The following CNBD1 variants were observed in gnomAD, a reference collection of about 807,000 sequenced individuals.
The protein encoded by CNBD1 is cyclic nucleotide binding domain containing 1.
CNBD1 carries 71 observed loss-of-function variants against 54.4 expected under a neutral mutation model. The observed-to-expected ratio is 1.30, with a 90% CI of 1.08 to 1.59. The LOEUF (loss-of-function observed/expected upper bound fraction) is 1.59, where lower values mean the gene tolerates loss of function less well. Ranked by LOEUF, CNBD1 falls within the 40% of genes most tolerant of loss-of-function variation. CNBD1 has a pLI of 0.00. For missense variants in CNBD1, 659 were observed against 518.0 expected (o/e 1.27, Z -2.64); for synonymous variants, 182 against 170.7 (o/e 1.07, Z -0.51).
intron 4 of CNBD1, among the ~76,000 whole-genome samples, chr8:87,120,923 C>T (rs983396683): frequency 1.3e-5 from 2 of 152,070 alleles, no homozygotes; most frequent in East Asian, 3.9e-4. Context: ...TGGGCACATA[C>T]ATCAGTTGGC....
At chr8:86,982,181 G>C (rs1808502362) in intron 4 of CNBD1, among the ~76,000 whole-genome samples, 1 of 151,926 alleles carries the variant, frequency 6.6e-6, no homozygotes, top group South Asian at 2.1e-4. Context: ...TGTTTTATGG[G>C]CTTATTTGCC....
chr8:87,169,358 G>C (rs551404004), intron 4 of CNBD1, among the ~76,000 whole-genome samples: 1 of 152,152 alleles, frequency 6.6e-6, no homozygotes, highest in South Asian at 2.1e-4. Context: ...TCTTTGGGTT[G>C]ATACTTCTTT....
At chr8:87,165,380 G>T (rs1036181403) in intron 4 of CNBD1, among the ~76,000 whole-genome samples, 3 of 151,756 alleles carry the variant, frequency 2.0e-5, no homozygotes, top group Admixed American at 2.0e-4. Context: ...TTATTATATT[G>T]CTGTCCAATT....
chr8:87,072,902 T>C (rs1426049384), intron 4 of CNBD1, among the ~76,000 whole-genome samples: 1 of 152,100 alleles, frequency 6.6e-6, no homozygotes, highest in Non-Finnish European at 1.5e-5. Context: ...TGTAGTATGT[T>C]TTCCAACTTG....
chr8:87,310,951 G>C (rs1001209738), intron 8 of CNBD1, among the ~76,000 whole-genome samples: 1 of 151,984 alleles, frequency 6.6e-6, no homozygotes, highest in Non-Finnish European at 1.5e-5. Context: ...AAATTAAGTC[G>C]AGATGGAGAG....
intron 4 of CNBD1, among the ~76,000 whole-genome samples, chr8:87,175,435 C>G (rs1364619676): frequency 6.6e-6 from 1 of 152,082 alleles, no homozygotes; most frequent in East Asian, 1.9e-4. Flanking sequence ...TATTCAGGAC[C>G]CAAGCTCTCT....
chr8:87,212,982 G>T (rs1244324889), intron 5 of CNBD1, among the ~76,000 whole-genome samples: 1 of 152,086 alleles, frequency 6.6e-6, no homozygotes, highest in African/African-American at 2.4e-5. Context: ...TCCAGAATAT[G>T]AATAACTTGT....
intron 4 of CNBD1, among the ~76,000 whole-genome samples, chr8:87,115,630 A>G (rs1811752105): frequency 6.6e-6 from 1 of 152,182 alleles, no homozygotes; most frequent in African/African-American, 2.4e-5. Context: ...GACATGGGAA[A>G]TAGTTCTTAA....
chr8:87,219,280 G>A (rs560114251), intron 5 of CNBD1, among the ~76,000 whole-genome samples: 5 of 151,906 alleles, frequency 3.3e-5, no homozygotes, highest in Admixed American at 3.3e-4. Context: ...ACTACAATAA[G>A]TATTATAAAA....
chr8:87,428,155 A>T (rs1322249667), intron 2 of CNBD1, among the ~76,000 whole-genome samples: 1 of 137,616 alleles, frequency 7.3e-6, no homozygotes, highest in Non-Finnish European at 1.6e-5. Context: ...GCAAAAAAAG[A>T]AAAAAAAAAA....
At position 86,911,170 on chromosome 8, in the gene CNBD1, A is replaced by G. The variant is rs538471303; in HGVS notation, c.272+5976A>G. Among the ~76,000 whole-genome samples, 36 of 152,280 alleles carry G rather than the reference A, an allele frequency of 2.4e-4. 1 individual carries two copies. The South Asian group carries it at 6.8e-3, about 29-fold the overall frequency. On this transcript the variant is annotated intron_variant, in intron 3 of 10. Transcript: ENST00000518476. ...CCTGGTTTCCAGGTAGCCCTTTTCT[A>G]TTGGCACAGCTGTTGGCATTCACCC...
intron 4 of CNBD1, among the ~76,000 whole-genome samples, chr8:87,117,169 C>T (rs749843623): frequency 7.2e-5 from 11 of 152,098 alleles, no homozygotes; most frequent in African/African-American, 1.2e-4. Flanking sequence ...GAGGCCAAGG[C>T]GGGTGGATCA....
intron 4 of CNBD1, among the ~76,000 whole-genome samples, chr8:87,098,733 TAA>T (rs112867940): frequency 2.2e-5 from 3 of 139,330 alleles, no homozygotes; most frequent in East Asian, 2.3e-4. Flanking sequence ...AACATAGTAA[TAA>T]AAAAAAAAAA....
Position 86,987,614 on chromosome 8 carries a change from T to C in CNBD1, c.431+47860T>C, listed in dbSNP as rs988958913. The stretch of plus-strand genomic sequence containing the variant: ...GAGAAATGGTTTCAGTTTTTGCCAA[T>C]TCTGTATGATGTTGGCTGTGGGTTT... On this transcript the variant is annotated intron_variant, in intron 4 of 10. Transcript: ENST00000518476. Among the ~76,000 whole-genome samples the C allele has an allele frequency of 2.6e-5, 4 of 152,206 alleles. No homozygotes were observed. The East Asian group carries it at 7.7e-4, about 29-fold the overall frequency.
At chr8:86,912,042 C>T (rs944463254) in intron 3 of CNBD1, among the ~76,000 whole-genome samples, 1 of 152,008 alleles carries the variant, frequency 6.6e-6, no homozygotes, top group African/African-American at 2.4e-5. Context: ...CAGTATTACG[C>T]AAAATGTGAC....
intron 4 of CNBD1, among the ~76,000 whole-genome samples, chr8:86,974,432 G>A (rs1292436044): frequency 6.6e-6 from 1 of 152,006 alleles, no homozygotes; most frequent in Non-Finnish European, 1.5e-5. Context: ...GCATATGTGT[G>A]CTATACAATA....
At chr8:87,115,769 C>G (rs540071449) in intron 4 of CNBD1, among the ~76,000 whole-genome samples, 4 of 152,310 alleles carry the variant, frequency 2.6e-5, no homozygotes, top group African/African-American at 9.6e-5. Flanking sequence ...TACCTCGTAT[C>G]TCTCGTATCT....
Position 87,324,293 on chromosome 8 carries a change from G to T in CNBD1, c.1043-27392G>T, listed in dbSNP as rs759548951. 7.0e-3 allele frequency among the ~76,000 whole-genome samples: 895 copies of T among 127,540 alleles called. 70 individuals are homozygous for T. Among genetic ancestry groups the T allele is most frequent in the Non-Finnish European group, 0.011 (601 of 56,916 alleles). 83.7% of individuals were successfully genotyped at this position (127,540 alleles called of 152,430 possible). ...TTTGGTTGTGTCTCTGCCCGGCTTT[G>T]GTATCAGAATGATGCTGGCCTCATA... is the stretch of plus-strand genomic sequence containing the variant. On this transcript the variant is annotated intron_variant, in intron 8 of 10. Transcript: ENST00000518476.
chr8:86,895,210 A>G (rs1586117861), intron 2 of CNBD1, among the ~76,000 whole-genome samples: 2 of 151,856 alleles, frequency 1.3e-5, no homozygotes, highest in South Asian at 4.2e-4. Context: ...TTCCTTCACT[A>G]AACAATATGT....
Sources: allele counts gnomAD v4.1 joint callset (sites outside exome capture counted in the v4.1 genomes callset), GRCh38; gene constraint gnomAD v4.1.1; transcripts MANE v1.5; gene names NCBI Gene and HGNC (gene_info 2026-07-23, HGNC 2026-07-21).